Variants in ARMH3 observed in about 807,000 individuals in gnomAD.
The protein encoded by ARMH3 is armadillo-like helical domain-containing protein 3.
In ARMH3, 60 loss-of-function variants were observed where a neutral mutation model predicts 99.1. The ratio of observed to expected loss-of-function variants is 0.61; its 90% CI spans 0.49 to 0.75. The LOEUF (loss-of-function observed/expected upper bound fraction) is 0.75. Among genes scored for constraint, ARMH3 ranks in the 30% least tolerant of loss-of-function variants. ARMH3 has a pLI of 0.00. For missense variants in ARMH3, 679 were observed against 843.1 expected, an observed-to-expected ratio of 0.81 and a Z score of 2.41; for synonymous variants, 285 against 292.8, an observed-to-expected ratio of 0.97 and a Z score of 0.27.
chr10:102,015,894 T>C (rs1333079384), intron 8 of ARMH3, among the ~76,000 whole-genome samples: 1 of 152,190 alleles, frequency 6.6e-6, no homozygotes, highest in Non-Finnish European at 1.5e-5. Flanking sequence ...AACGCTTTGG[T>C]AGGCCAAGGT....
chr10:102,042,467 G>A (rs116930227), intron 1 of ARMH3, among the ~76,000 whole-genome samples: 3 of 152,300 alleles, frequency 2.0e-5, no homozygotes, highest in South Asian at 4.1e-4. Flanking sequence ...GGAGAGGAGG[G>A]AAAAACAATT....
intron 9 of ARMH3, among the ~76,000 whole-genome samples, chr10:102,013,273 T>C (rs552773357): frequency 1.9e-4 from 29 of 152,286 alleles, no homozygotes; most frequent in Admixed American, 2.6e-4. Context: ...AAGGTGCACA[T>C]AGATAAGCCA....
At chr10:101,934,104 A>G (rs143536659) in intron 23 of ARMH3, among the ~76,000 whole-genome samples, 1 of 152,338 alleles carries the variant, frequency 6.6e-6, no homozygotes, top group East Asian at 1.9e-4. Flanking sequence ...TGTGACATTC[A>G]GAATTCTGTA....
chr10:102,042,906 C>G (rs2067457777), intron 1 of ARMH3, among the ~76,000 whole-genome samples: 1 of 152,164 alleles, frequency 6.6e-6, no homozygotes. Flanking sequence ...AACCCCGTCT[C>G]TACTAAAAAT....
At chr10:102,029,826 C>T (rs937571144) in intron 4 of ARMH3, 81 bp from the exon 5 acceptor site, 109 of 1,275,658 alleles carry the variant, frequency 8.5e-5, no homozygotes, top group Middle Eastern at 3.8e-4. Context: ...CATCCTTACA[C>T]AGCTGACACT....
At chr10:101,880,328 TAG>T (rs2067381144) in intron 24 of ARMH3, among the ~76,000 whole-genome samples, 2 of 152,162 alleles carry the variant, frequency 1.3e-5, no homozygotes, top group South Asian at 4.1e-4. Context: ...GTGGGCTGCT[TAG>T]AGAGGCCTCA....
intron 2 of ARMH3, among the ~76,000 whole-genome samples, chr10:102,039,718 T>C (rs1364): frequency 0.049 from 7,450 of 152,264 alleles, 195 homozygotes; most frequent in Middle Eastern, 0.095. Context: ...AGAGCAAGTC[T>C]TTCTTTAAAA....
intron 20 of ARMH3, among the ~76,000 whole-genome samples, chr10:101,962,660 C>T (rs1462977928): frequency 2.0e-5 from 3 of 152,132 alleles, no homozygotes; most frequent in African/African-American, 7.2e-5. Context: ...ATGAGCAAAT[C>T]AAAATTCAGA....
intron 19 of ARMH3, among the ~76,000 whole-genome samples, chr10:101,983,441 C>T (rs564884395): frequency 1.3e-5 from 2 of 152,240 alleles, no homozygotes; most frequent in South Asian, 4.2e-4. Flanking sequence ...ACTACCACAC[C>T]TAACTAATTT....
intron 24 of ARMH3, among the ~76,000 whole-genome samples, chr10:101,863,963 A>G (rs1264641499): frequency 6.6e-6 from 1 of 150,844 alleles, no homozygotes; most frequent in African/African-American, 2.4e-5. Flanking sequence ...CAGGAGGCTG[A>G]GGCAGGAGAA....
intron 20 of ARMH3, among the ~76,000 whole-genome samples, chr10:101,968,996 T>G (rs773713115): frequency 1.3e-5 from 2 of 152,176 alleles, no homozygotes; most frequent in South Asian, 2.1e-4. Flanking sequence ...CAGTCTTAAT[T>G]AGGCACATCA....
rs568410512 is a variant in ARMH3 at position 102,028,407 on chromosome 10, G to A, written c.414+1231C>T. ...CATGAATAAATAAATAAATAAATACGAGCATACATCCATACAGAAACTTAT... is the reference window on the plus strand; with the variant it reads ...CATGAATAAATAAATAAATAAATACAAGCATACATCCATACAGAAACTTAT... On this transcript the variant is annotated intron_variant, in intron 5 of 25. Transcript: ENST00000370033. 5.3e-5 allele frequency among the ~76,000 whole-genome samples: 8 copies of A among 152,116 alleles called. No individual in the cohort carries two copies. The South Asian group carries it at 6.2e-4, about 12-fold the overall frequency.
chr10:101,885,528 CA>C (rs1473658747), intron 24 of ARMH3, among the ~76,000 whole-genome samples: 1 of 152,068 alleles, frequency 6.6e-6, no homozygotes, highest in Admixed American at 6.6e-5. Context: ...AAGCTTGTCA[CA>C]AAAGTCCAAA....
chr10:101,872,277 C>T (rs1249521720), intron 24 of ARMH3, among the ~76,000 whole-genome samples: 3 of 144,364 alleles, frequency 2.1e-5, no homozygotes, highest in Non-Finnish European at 4.6e-5. Flanking sequence ...GTGTGTGTAA[C>T]AACCTGCATC....
At chr10:101,864,073 A>C (rs1209195155) in intron 24 of ARMH3, among the ~76,000 whole-genome samples, 2 of 131,516 alleles carry the variant, frequency 1.5e-5, no homozygotes, top group Admixed American at 8.1e-5. Context: ...AAAAAAAAAA[A>C]AAAAAACACA....
chr10:101,951,919 G>A (rs561517728), intron 22 of ARMH3, among the ~76,000 whole-genome samples: 4 of 148,492 alleles, frequency 2.7e-5, no homozygotes, highest in Non-Finnish European at 6.0e-5. Context: ...GAGGGAAGGA[G>A]GGAGGGGGGC....
intron 5 of ARMH3, 106 bp downstream of exon 5, chr10:102,029,532 G>C: frequency 1.2e-6 from 2 of 1,607,232 alleles, no homozygotes; most frequent in South Asian, 2.2e-5. Flanking sequence ...TCAATCATCT[G>C]TATCTTTCTG....
intron 23 of ARMH3, among the ~76,000 whole-genome samples, chr10:101,936,988 C>T (rs573290457): frequency 2.0e-5 from 3 of 152,312 alleles, no homozygotes; most frequent in African/African-American, 7.2e-5. Flanking sequence ...CCAGCACCCC[C>T]ACTTTACAGA....
At chr10:101,972,123 C>T (rs987424910) in intron 20 of ARMH3, among the ~76,000 whole-genome samples, 2 of 152,142 alleles carry the variant, frequency 1.3e-5, no homozygotes, top group Non-Finnish European at 2.9e-5. Flanking sequence ...AAAAGCTTAT[C>T]AGGCAAGATT....
Sources: allele counts gnomAD v4.1 joint callset (sites outside exome capture counted in the v4.1 genomes callset), GRCh38; gene constraint gnomAD v4.1.1; transcripts MANE v1.5; gene names NCBI Gene and HGNC (gene_info 2026-07-23, HGNC 2026-07-21).